Variants in AMMECR1 observed in about 807,000 individuals in gnomAD.
AMMECR1 encodes nuclear protein AMMECR1.
Under a neutral mutation model 22.5 loss-of-function variants are expected in AMMECR1, and 3 were observed. The ratio of observed to expected loss-of-function variants is 0.13; its 90% CI spans 0.06 to 0.35. AMMECR1 has a LOEUF of 0.35. Ranked by LOEUF, AMMECR1 falls within the 10% of genes least tolerant of loss-of-function variation. The pLI, the probability that AMMECR1 is intolerant of heterozygous loss-of-function variation, is 1.00. For missense variants in AMMECR1, 235 were observed against 278.7 expected, an observed-to-expected ratio of 0.84 and a Z score of 1.12; for synonymous variants, 130 against 116.7, an observed-to-expected ratio of 1.11 and a Z score of -0.74.
At chrX:110,378,008 C>CAAAAAAAAAAAAAAAAAAAAAAAA (rs755483656) in intron 2 of AMMECR1, among the ~76,000 whole-genome samples, 1 of 30,961 alleles carries the variant, frequency 3.2e-5, no homozygotes, top group African/African-American at 1.4e-4. Context: ...GACTCCGTCT[C>CAAAAAAAAAAAAAAAAAAAAAAAA]AAAAAAAAAA....
intron 1 of AMMECR1, among the ~76,000 whole-genome samples, chrX:110,314,360 G>A (rs2068038029): frequency 8.9e-6 from 1 of 111,755 alleles, no homozygotes; most frequent in African/African-American, 3.3e-5. Context: ...CAAATCTCAA[G>A]AGAAAGATTC....
rs961380433 is a variant in AMMECR1 at position 110,301,759 on chromosome X, A to C, written c.473+15840T>G. Among the ~76,000 whole-genome samples, 32 of 111,845 alleles carry C rather than the reference A, an allele frequency of 2.9e-4. 1 individual carries two copies. Among genetic ancestry groups the C allele is most frequent in the Non-Finnish European group, 1.7e-4 (9 of 53,174 alleles). ...ACCTGATGAAAGATATGAAACTTCT[A>C]ATCAGAAAAATGCACTTATACAAAT... On this transcript the variant is annotated intron_variant, in intron 1 of 5. Transcript: ENST00000262844.
intron 2 of AMMECR1, among the ~76,000 whole-genome samples, chrX:110,335,802 T>C (rs1463301107): frequency 8.9e-6 from 1 of 112,267 alleles, no homozygotes; most frequent in African/African-American, 3.2e-5. Context: ...CTTTGCGTGC[T>C]TAGTACATGC....
chrX:110,210,491 G>T (rs759048961), intron 3 of AMMECR1, among the ~76,000 whole-genome samples: 4 of 111,569 alleles, frequency 3.6e-5, no homozygotes, highest in Non-Finnish European at 7.5e-5. Flanking sequence ...TCATTTCGCT[G>T]GGTGACTTCA....
intron 2 of AMMECR1, among the ~76,000 whole-genome samples, chrX:110,399,158 C>T: frequency 8.9e-6 from 1 of 112,326 alleles, no homozygotes; most frequent in Admixed American, 9.4e-5. Flanking sequence ...TACAGTGTAT[C>T]ACATAATGAG....
intron 2 of AMMECR1, among the ~76,000 whole-genome samples, chrX:110,387,174 AG>A (rs1394995545): frequency 8.9e-6 from 1 of 111,924 alleles, no homozygotes; most frequent in Non-Finnish European, 1.9e-5. Flanking sequence ...GAGGCATCTT[AG>A]TGATTAAATT....
At chrX:110,330,338 T>C (rs183947613) in intron 2 of AMMECR1, among the ~76,000 whole-genome samples, 13 of 111,630 alleles carry the variant, frequency 1.2e-4, no homozygotes, top group South Asian at 3.8e-4. Flanking sequence ...CCCTCCTCTC[T>C]TGGAAGAAGG....
chrX:110,393,771 G>A (rs1479294703), intron 2 of AMMECR1, among the ~76,000 whole-genome samples: 2 of 112,549 alleles, frequency 1.8e-5, no homozygotes, highest in Non-Finnish European at 3.8e-5. Context: ...CACTGTCCAT[G>A]GACAGGATGG....
chrX:110,218,767 A>G (rs2067486685), intron 2 of AMMECR1, among the ~76,000 whole-genome samples: 1 of 110,714 alleles, frequency 9.0e-6, no homozygotes, highest in Non-Finnish European at 1.9e-5. Flanking sequence ...CATCATCCTT[A>G]AAAGAAACTA....
chrX:110,247,613 C>T (rs73250292), intron 2 of AMMECR1, among the ~76,000 whole-genome samples: 5,223 of 110,150 alleles, frequency 0.047, 129 homozygotes, highest in Non-Finnish European at 0.071. Context: ...ATCACTCGAG[C>T]CCTGGAGGCA....
At chrX:110,380,386 C>T (rs1485210204) in intron 2 of AMMECR1, among the ~76,000 whole-genome samples, 1 of 111,192 alleles carries the variant, frequency 9.0e-6, no homozygotes, top group Non-Finnish European at 1.9e-5. Flanking sequence ...ATACATCTAA[C>T]CAAAGAGGTG....
intron 2 of AMMECR1, among the ~76,000 whole-genome samples, chrX:110,386,772 C>G (rs2068458261): frequency 8.9e-6 from 1 of 112,317 alleles, no homozygotes; most frequent in Admixed American, 9.4e-5. Context: ...CTCCTGCACT[C>G]CTTTGAAATT....
intron 1 of AMMECR1, among the ~76,000 whole-genome samples, chrX:110,277,612 G>A (rs924176633): frequency 9.0e-6 from 1 of 111,179 alleles, no homozygotes; most frequent in African/African-American, 3.3e-5. Context: ...AGGGCAAAAG[G>A]GACAGATCTC....
chrX:110,402,551 G>A (rs777281693), intron 2 of AMMECR1, among the ~76,000 whole-genome samples: 10 of 112,514 alleles, frequency 8.9e-5, no homozygotes, highest in Non-Finnish European at 3.8e-5. Context: ...CTGTGTCCCC[G>A]GCTCCATTTT....
intron 1 of AMMECR1, among the ~76,000 whole-genome samples, chrX:110,265,095 G>A (rs1032088851): frequency 9.0e-6 from 1 of 111,633 alleles, no homozygotes; most frequent in African/African-American, 3.3e-5. Context: ...AAAATATAGG[G>A]GATATGTACT....
At chrX:110,299,997 G>C (rs1422330833) in intron 1 of AMMECR1, among the ~76,000 whole-genome samples, 1 of 112,219 alleles carries the variant, frequency 8.9e-6, no homozygotes, top group Non-Finnish European at 1.9e-5. Flanking sequence ...TGGGGGCACA[G>C]ATATCTCTTC....
chrX:110,324,053 G>A (rs1025217771), intron 2 of AMMECR1, among the ~76,000 whole-genome samples: 7 of 106,767 alleles, frequency 6.6e-5, no homozygotes, highest in Non-Finnish European at 1.2e-4. Context: ...CTGGAGTGCA[G>A]TGGCATGATC....
At chrX:110,239,769 A>G (rs1252172957) in intron 2 of AMMECR1, among the ~76,000 whole-genome samples, 1 of 111,388 alleles carries the variant, frequency 9.0e-6, no homozygotes, top group Non-Finnish European at 1.9e-5. Context: ...ACCAAGGTTG[A>G]AATGAAGGAA....
chrX:110,389,479 G>A (rs918959482), intron 2 of AMMECR1, among the ~76,000 whole-genome samples: 3 of 111,948 alleles, frequency 2.7e-5, no homozygotes, highest in Non-Finnish European at 5.6e-5. Flanking sequence ...GAAAAAGATG[G>A]GTATGATTGA....
Sources: gnomAD v4.1 joint callset for allele counts (sites outside exome capture counted in the v4.1 genomes callset) on GRCh38, gnomAD v4.1.1 for gene constraint, MANE v1.5 for transcripts, NCBI Gene and HGNC (gene_info 2026-07-23, HGNC 2026-07-21) for gene names.